Variants in TLK2 observed in about 807,000 individuals in gnomAD.
TLK2 encodes tousled like kinase 2, also known as serine/threonine-protein kinase tousled-like 2.
TLK2 carries 6 observed loss-of-function variants against 117.3 expected under a neutral mutation model. That is an observed-to-expected ratio of 0.05 (90% CI 0.03 to 0.10). The LOEUF is 0.10. Among genes scored for constraint, TLK2 ranks in the 10% least tolerant of loss-of-function variants. The pLI is 1.00. For missense variants in TLK2, 299 were observed against 901.2 expected (o/e 0.33, Z 8.56); for synonymous variants, 257 against 316.7 (o/e 0.81, Z 2.00).
chr17:62,595,317 T>C (rs908194931), intron 16 of TLK2, among the ~76,000 whole-genome samples: 2 of 148,356 alleles, frequency 1.3e-5, no homozygotes, highest in Admixed American at 6.7e-5. Context: ...ATCAGCGTTA[T>C]AACAAAATGA....
intron 2 of TLK2, among the ~76,000 whole-genome samples, chr17:62,486,463 C>T (rs2072403464): frequency 6.6e-6 from 1 of 152,098 alleles, no homozygotes; most frequent in Non-Finnish European, 1.5e-5. Context: ...CCTGGCCTGT[C>T]CTACCTCTTT....
Position 62,613,081 on chromosome 17 carries a change from A to G in TLK2, c.*516A>G, listed in dbSNP as rs1178992122. On this transcript the variant is annotated 3_prime_UTR_variant, in exon 22 of 22. Transcript: ENST00000346027. ...TTGACTTCGGAGGAAAAAAGTTGCT[A>G]TTGCCCGTTAAAGGCACTAGAGTTA... 1 of 152,628 alleles carries G rather than the reference A, an allele frequency of 6.6e-6. No homozygotes were observed. The highest frequency in any genetic ancestry group is 2.4e-5 in the African/African-American group (1 of 41,452). The allele number at this position is 152,628 out of a possible 1,614,324, so 9.5% of individuals were successfully genotyped here.
At chr17:62,477,069 C>G (rs1488754101), upstream of TLK2, among the ~76,000 whole-genome samples, 1 of 151,516 alleles carries the variant, frequency 6.6e-6, no homozygotes, top group Admixed American at 6.6e-5. Context: ...CCAGCCTGGG[C>G]GACAGAGCGA....
In TLK2 at chr17:62,503,819, C is replaced by T. The variant is rs374082922; in HGVS notation, c.82-16954C>T. Among the ~76,000 whole-genome samples the T allele has an allele frequency of 3.4e-3, 519 of 151,932 alleles. 6 individuals are homozygous for T. The highest frequency in any genetic ancestry group is 0.012 in the African/African-American group (504 of 41,428). ...TCTCAGCTCACTGCAGCCTCCCCCT[C>T]CCAGGTTCAAGCCATTCTCCTGCCT... On this transcript the variant is annotated intron_variant, in intron 2 of 21. Transcript: ENST00000346027.
chr17:62,607,592 T>G (rs1449236678), intron 20 of TLK2, among the ~76,000 whole-genome samples: 1 of 152,134 alleles, frequency 6.6e-6, no homozygotes, highest in Non-Finnish European at 1.5e-5. Context: ...CCCCAACTCT[T>G]TCTTTTTCCC....
At chr17:62,597,026 A>G (rs1407641527) in intron 17 of TLK2, among the ~76,000 whole-genome samples, 3 of 152,146 alleles carry the variant, frequency 2.0e-5, no homozygotes, top group African/African-American at 7.2e-5. Context: ...TATAATTCAC[A>G]TACTGTATGA....
intron 19 of TLK2, among the ~76,000 whole-genome samples, chr17:62,603,970 CTTTATTTA>C (rs66748805): frequency 0.26 from 36,469 of 141,192 alleles, 4,915 homozygotes; most frequent in Admixed American, 0.28. Flanking sequence ...ACATTGAATA[CTTTATTTA>C]TTTATTTATT....
At chr17:62,612,067 AAGAG>A (rs993812112) in intron 21 of TLK2, 1 of 185,610 alleles carries the variant, frequency 5.4e-6, no homozygotes, top group Non-Finnish European at 1.1e-5. Context: ...AGCGAAGACA[AAGAG>A]AGATTTTTTT....
Position 62,614,410 on chromosome 17 carries a change from G to A in TLK2, c.*1845G>A, listed in dbSNP as rs1372040184. 1 of 152,370 alleles carries A rather than the reference G, an allele frequency of 6.6e-6. No homozygotes were observed. 9.4% of individuals were successfully genotyped at this position (152,370 alleles called of 1,614,324 possible). ...ATTTAAAGATGTAGTATTCCGGCCT[G>A]TGAGTTGTCTGGGCAGGGAGGGGGA... On this transcript the variant is annotated 3_prime_UTR_variant, in exon 22 of 22. Coordinates refer to ENST00000346027, the MANE Select transcript of TLK2 (RefSeq NM_006852.6).
chr17:62,526,754 C>T (rs1483665772), intron 6 of TLK2, among the ~76,000 whole-genome samples: 3 of 152,212 alleles, frequency 2.0e-5, no homozygotes, highest in African/African-American at 4.8e-5. Flanking sequence ...CAAATGTAAT[C>T]CATCAGAAAA....
In TLK2 at chr17:62,588,867, A is replaced by G. The variant is rs186564475; in HGVS notation, c.1460+2641A>G. On this transcript the variant is annotated intron_variant, in intron 16 of 21. Transcript: ENST00000346027. ...ATCAAGCACATAACGGACATTGATG[A>G]GTGCTTTAAAAATTCAGTATTAAAC... Among the ~76,000 whole-genome samples the G allele has an allele frequency of 2.6e-5, 4 of 152,338 alleles. No homozygotes were observed. In the East Asian group the frequency reaches 7.7e-4, roughly 29 times the overall value.
chr17:62,495,681 C>T (rs904596367), intron 2 of TLK2, among the ~76,000 whole-genome samples: 10 of 114,662 alleles, frequency 8.7e-5, no homozygotes, highest in South Asian at 3.0e-4. Flanking sequence ...ATATTGGAGA[C>T]GGAGTCTTAC....
upstream of TLK2, among the ~76,000 whole-genome samples, chr17:62,474,704 C>T (rs1395318383): frequency 2.6e-5 from 4 of 151,980 alleles, no homozygotes; most frequent in African/African-American, 7.3e-5. Context: ...CCACCGCGCC[C>T]GGCCTAGAAG....
chr17:62,472,809 C>G (rs1220652581), intron 1 of TLK2, among the ~76,000 whole-genome samples: 1 of 151,780 alleles, frequency 6.6e-6, no homozygotes, highest in Non-Finnish European at 1.5e-5. Context: ...GTCTTCTACT[C>G]AAGATAGGGA....
intron 20 of TLK2, 44 bp downstream of exon 20, chr17:62,606,285 T>A: frequency 8.0e-7 from 1 of 1,252,384 alleles, no homozygotes; most frequent in Non-Finnish European, 1.1e-6. Context: ...CTTTCTTGGG[T>A]GGCACACACA....
At chr17:62,517,729 A>T (rs1598343482) in intron 2 of TLK2, among the ~76,000 whole-genome samples, 2 of 145,750 alleles carry the variant, frequency 1.4e-5, no homozygotes, top group South Asian at 4.4e-4. Flanking sequence ...ATGGAGTCTC[A>T]CTTTGTTGCC....
chr17:62,565,517 G>A (rs2079694535), intron 11 of TLK2, among the ~76,000 whole-genome samples: 1 of 151,996 alleles, frequency 6.6e-6, no homozygotes, highest in African/African-American at 2.4e-5. Context: ...GCCAGGCGTG[G>A]TGGCAGGCGC....
chr17:62,598,373 T>C (rs1347046856), intron 17 of TLK2, among the ~76,000 whole-genome samples: 1 of 152,218 alleles, frequency 6.6e-6, no homozygotes, highest in African/African-American at 2.4e-5. Context: ...TTCTATACTA[T>C]TCTTGAGTTG....
Position 62,526,559 on chromosome 17 carries a change from A to G in TLK2, c.363+2228A>G, listed in dbSNP as rs192736192. 6.1e-4 allele frequency among the ~76,000 whole-genome samples: 93 copies of G among 152,308 alleles called. 1 individual carries two copies. The East Asian group carries it at 6.4e-3, about 10-fold the overall frequency. ...CTTCACATGGGGTCTGGTCTCCCCA[A>G]TAATTATGTATCCAGCTGTCTACTT... is the stretch of plus-strand genomic sequence containing the variant. On this transcript the variant is annotated intron_variant, in intron 6 of 21. Coordinates refer to ENST00000346027, the MANE Select transcript of TLK2 (RefSeq NM_006852.6).
Sources: allele counts gnomAD v4.1 joint callset (sites outside exome capture counted in the v4.1 genomes callset), GRCh38; gene constraint gnomAD v4.1.1; transcripts MANE v1.5; gene names NCBI Gene and HGNC (gene_info 2026-07-23, HGNC 2026-07-21).